Variants in AMPH observed in about 807,000 individuals in gnomAD.
AMPH encodes the protein amphiphysin.
Under a neutral mutation model 99.1 loss-of-function variants are expected in AMPH, and 49 were observed. The ratio of observed to expected loss-of-function variants is 0.49; its 90% CI spans 0.39 to 0.63. AMPH has a LOEUF of 0.63. Among genes scored for constraint, AMPH ranks in the 20% least tolerant of loss-of-function variants. The pLI is 0.00. For synonymous variants in AMPH, 314 were observed against 317.3 expected, an observed-to-expected ratio of 0.99 and a Z score of 0.11; for missense variants, 759 against 863.4, an observed-to-expected ratio of 0.88 and a Z score of 1.52.
At chr7:38,441,803 T>TATATATCATATATATC (rs1362336638) in intron 11 of AMPH, among the ~76,000 whole-genome samples, 3 of 64,316 alleles carry the variant, frequency 4.7e-5, no homozygotes, top group Non-Finnish European at 5.8e-5. Flanking sequence ...ATATATCATA[T>TATATATCATATATATC]ATATATCATA....
At chr7:38,614,606 C>G (rs1793806780) in intron 1 of AMPH, among the ~76,000 whole-genome samples, 1 of 152,180 alleles carries the variant, frequency 6.6e-6, no homozygotes. Context: ...TTTGGAGGCA[C>G]ATCTTTATTT....
At chr7:38,541,328 C>T (rs78443763) in intron 1 of AMPH, among the ~76,000 whole-genome samples, 4,982 of 54,866 alleles carry the variant, frequency 0.091, 212 homozygotes, top group African/African-American at 0.22. Flanking sequence ...CTGCTGGGCA[C>T]GTCCTACACT....
At chr7:38,463,702 T>A (rs888677857) in intron 9 of AMPH, among the ~76,000 whole-genome samples, 4 of 152,222 alleles carry the variant, frequency 2.6e-5, no homozygotes, top group African/African-American at 9.6e-5. Context: ...CTAGACCTTA[T>A]AAATAACTAC....
At chr7:38,393,471 C>A (rs948633198) in intron 18 of AMPH, among the ~76,000 whole-genome samples, 1 of 152,158 alleles carries the variant, frequency 6.6e-6, no homozygotes, top group Non-Finnish European at 1.5e-5. Context: ...CCGAGCAGGG[C>A]CCCCTCCCGC....
At chr7:38,545,838 C>T (rs146296628) in intron 1 of AMPH, among the ~76,000 whole-genome samples, 15 of 152,132 alleles carry the variant, frequency 9.9e-5, no homozygotes, top group Admixed American at 7.8e-4. Flanking sequence ...GCAGGATGTG[C>T]GTGATCACAA....
intron 1 of AMPH, among the ~76,000 whole-genome samples, chr7:38,541,017 TAAAAAAAAAAAAAAAAAA>T (rs60200785): frequency 6.1e-5 from 6 of 97,700 alleles, no homozygotes; most frequent in African/African-American, 2.3e-4. Flanking sequence ...TTTCTGTTCT[TAAAAAAAAAAAAAAAAAA>T]AAAAAAAGAA....
chr7:38,481,072 A>T (rs917285873), intron 5 of AMPH, among the ~76,000 whole-genome samples: 1 of 152,198 alleles, frequency 6.6e-6, no homozygotes, highest in African/African-American at 2.4e-5. Flanking sequence ...TAAGTCAATT[A>T]CAAGGATAGC....
chr7:38,403,025 A>T (rs552320260), intron 17 of AMPH, among the ~76,000 whole-genome samples: 70 of 152,034 alleles, frequency 4.6e-4, no homozygotes, highest in African/African-American at 1.6e-3. Flanking sequence ...TCATTTTTTT[A>T]AAAAAATGCT....
chr7:38,581,462 A>G (rs1025488729), intron 1 of AMPH, among the ~76,000 whole-genome samples: 1 of 152,168 alleles, frequency 6.6e-6, no homozygotes, highest in Non-Finnish European at 1.5e-5. Context: ...CTGGCAGGGA[A>G]GGGTTATAAG....
intron 1 of AMPH, among the ~76,000 whole-genome samples, chr7:38,595,161 G>A (rs1290552153): frequency 1.3e-5 from 2 of 152,176 alleles, no homozygotes; most frequent in South Asian, 2.1e-4. Context: ...ACACAACGAC[G>A]CTGCCCCGCC....
At chr7:38,571,563 T>C (rs1209268492) in intron 1 of AMPH, among the ~76,000 whole-genome samples, 1 of 141,812 alleles carries the variant, frequency 7.1e-6, no homozygotes, top group Non-Finnish European at 1.5e-5. Flanking sequence ...TATTTATACT[T>C]ATACATAAAT....
At chr7:38,479,368 A>G (rs1235777278) in intron 5 of AMPH, among the ~76,000 whole-genome samples, 1 of 152,148 alleles carries the variant, frequency 6.6e-6, no homozygotes, top group Admixed American at 6.5e-5. Context: ...TGAAGATGAA[A>G]TATTTTTTTT....
intron 1 of AMPH, among the ~76,000 whole-genome samples, chr7:38,591,562 C>T (rs1047967364): frequency 2.6e-5 from 4 of 152,194 alleles, no homozygotes; most frequent in Non-Finnish European, 5.9e-5. Flanking sequence ...GCTAAGATTA[C>T]AGGCATAAGC....
At chr7:38,542,923 GTC>G (rs1326786901) in intron 1 of AMPH, among the ~76,000 whole-genome samples, 1 of 151,928 alleles carries the variant, frequency 6.6e-6, no homozygotes, top group African/African-American at 2.4e-5. Flanking sequence ...GTGAAACCCT[GTC>G]TCTACTAAAA....
intron 11 of AMPH, among the ~76,000 whole-genome samples, chr7:38,447,065 G>A (rs1427863411): frequency 6.6e-6 from 1 of 151,856 alleles, no homozygotes; most frequent in Non-Finnish European, 1.5e-5. Flanking sequence ...TGTTGCCCAG[G>A]TTGGAGTGCA....
chr7:38,507,085 G>A lies in AMPH; in HGVS notation c.151-3381C>T, dbSNP rs569134794. Among the ~76,000 whole-genome samples, 5 of 152,314 alleles carry A rather than the reference G, an allele frequency of 3.3e-5. No individual in the cohort carries two copies. In the East Asian group the frequency reaches 9.6e-4, roughly 29 times the overall value. On this transcript the variant is annotated intron_variant, in intron 2 of 20. Coordinates refer to ENST00000356264, the MANE Select transcript of AMPH (RefSeq NM_001635.4). ...TCAAATGTTCAAGGAACAAAGTTAT[G>A]TGAAATTAACCCCACAATTAACTAA...
rs1786057711 is a variant in AMPH at position 38,432,206 on chromosome 7, G to A, written c.1141C>T (p.Pro381Ser). Residue 381 changes from proline (P) to serine (S), a missense_variant, in exon 13 of 21, where the codon CCC becomes TCC. By Grantham distance (74) the Pro-to-Ser change is moderately conservative. This residue lies in a region of AMPH where 554 missense variants were observed against 575.6 expected (regional missense o/e 0.96). Coordinates refer to ENST00000356264, the MANE Select transcript of AMPH (RefSeq NM_001635.4). ...VTHSPMSQTL[P>S]WDLWTTSTDL... Reference sequence around the variant, plus strand: ...TGGCTTACCGTCCATAGGTCCCAGGGCAATGTCTGAAAGCAAATAAACAAA... The same window carrying A: ...TGGCTTACCGTCCATAGGTCCCAGGACAATGTCTGAAAGCAAATAAACAAA... The A allele has an allele frequency of 6.2e-7, 1 of 1,612,492 alleles. No homozygotes were observed. Among genetic ancestry groups the A allele is most frequent in the Non-Finnish European group, 8.5e-7 (1 of 1,178,578 alleles).
chr7:38,432,860 A>C (rs541934019), intron 12 of AMPH, among the ~76,000 whole-genome samples: 2 of 152,328 alleles, frequency 1.3e-5, no homozygotes, highest in South Asian at 4.1e-4. Context: ...GCACCCCCTA[A>C]GACATGAATG....
intron 17 of AMPH, among the ~76,000 whole-genome samples, chr7:38,414,449 T>C (rs544637196): frequency 1.3e-5 from 2 of 152,280 alleles, no homozygotes; most frequent in East Asian, 1.9e-4. Flanking sequence ...AGAACACTGG[T>C]ATAATTCACA....
Sources: gnomAD v4.1 joint callset for allele counts (sites outside exome capture counted in the v4.1 genomes callset) on GRCh38, gnomAD v4.1.1 for gene constraint, gnomAD v4.1.1 regional missense constraint, MANE v1.5 for transcripts, NCBI Gene and HGNC (gene_info 2026-07-23, HGNC 2026-07-21) for gene names.